Variants in RPTOR observed in about 807,000 individuals in gnomAD.
RPTOR encodes regulatory-associated protein of mTOR.
In RPTOR, 21 loss-of-function variants were observed where a neutral mutation model predicts 169.9. The observed-to-expected ratio is 0.12, with a 90% CI of 0.09 to 0.18. The LOEUF is 0.18. Ranked by LOEUF, RPTOR falls within the 10% of genes least tolerant of loss-of-function variation. The probability of loss-of-function intolerance (pLI) is 1.00; values close to 1 mark genes in which losing one functional copy is unlikely to be tolerated. For synonymous variants in RPTOR, 732 were observed against 753.2 expected (o/e 0.97, Z 0.46); for missense variants, 1,133 against 1,855.9 (o/e 0.61, Z 7.16).
At chr17:80,679,980 A>G (rs2065886451) in intron 3 of RPTOR, among the ~76,000 whole-genome samples, 1 of 152,100 alleles carries the variant, frequency 6.6e-6, no homozygotes, top group East Asian at 1.9e-4. Context: ...GACCTCCCCC[A>G]GAGTCCAGAG....
At chr17:80,642,730 A>G (rs1020271892) in intron 2 of RPTOR, among the ~76,000 whole-genome samples, 3 of 152,218 alleles carry the variant, frequency 2.0e-5, no homozygotes, top group African/African-American at 7.2e-5. Flanking sequence ...TTGGTGTAGT[A>G]TCAAACAAAA....
intron 5 of RPTOR, among the ~76,000 whole-genome samples, chr17:80,742,906 G>A (rs1266778743): frequency 6.6e-6 from 1 of 150,702 alleles, no homozygotes; most frequent in Non-Finnish European, 1.5e-5. Flanking sequence ...ATACACACAG[G>A]TACATGCTCA....
In RPTOR at chr17:80,878,158, G is replaced by A. The variant is rs892531728; in HGVS notation, c.1510-2257G>A. 6.6e-5 allele frequency among the ~76,000 whole-genome samples: 10 copies of A among 152,196 alleles called. No homozygotes were observed. Among genetic ancestry groups the A allele is most frequent in the Non-Finnish European group, 5.9e-5 (4 of 68,032 alleles). On this transcript the variant is annotated intron_variant, in intron 13 of 33. Transcript: ENST00000306801. The surrounding 1 kb of genome is among the most constrained non-coding windows in gnomAD (Gnocchi z 4.1). ...TCCTCTGGAAAGGAGCATGCTGGGA[G>A]CTGGCAGAACGCACGCCTCACTCTG...
intron 3 of RPTOR, among the ~76,000 whole-genome samples, chr17:80,678,421 A>G (rs1159205936): frequency 2.6e-5 from 4 of 152,204 alleles, no homozygotes; most frequent in African/African-American, 9.6e-5. Context: ...CCTGGGCAAC[A>G]TGGCAAAACC....
At chr17:80,822,370 C>T (rs2067389034) in intron 8 of RPTOR, 69 bp downstream of exon 8, 1 of 1,452,202 alleles carries the variant, frequency 6.9e-7, no homozygotes. Context: ...GACTCTCGGA[C>T]ATGAGAGGAG....
At chr17:80,926,784 C>T (rs1194243079) in intron 24 of RPTOR, among the ~76,000 whole-genome samples, 3 of 152,364 alleles carry the variant, frequency 2.0e-5, no homozygotes, top group Middle Eastern at 3.4e-3. Context: ...AGAGCCCGCT[C>T]CTAACTAGAG....
chr17:80,807,992 A>C (rs2067236481), intron 7 of RPTOR, among the ~76,000 whole-genome samples: 1 of 152,174 alleles, frequency 6.6e-6, no homozygotes, highest in Non-Finnish European at 1.5e-5. Context: ...TATAACGTGC[A>C]TCCTGCTAAA....
chr17:80,621,625 C>A (rs2065355385), intron 1 of RPTOR, among the ~76,000 whole-genome samples: 2 of 152,196 alleles, frequency 1.3e-5, no homozygotes, highest in African/African-American at 4.8e-5. Context: ...GGATTCCTCG[C>A]TGGGAGGGGA....
intron 3 of RPTOR, among the ~76,000 whole-genome samples, chr17:80,697,113 G>A (rs1380800297): frequency 6.6e-6 from 1 of 152,166 alleles, no homozygotes; most frequent in Non-Finnish European, 1.5e-5. Context: ...CAGTCAGAGA[G>A]TGAGCAAGGT....
chr17:80,752,706 TG>T (rs2066641984), intron 5 of RPTOR, among the ~76,000 whole-genome samples: 1 of 152,256 alleles, frequency 6.6e-6, no homozygotes. Flanking sequence ...GATCCTGTTT[TG>T]TTGAATGCTG....
intron 13 of RPTOR, among the ~76,000 whole-genome samples, chr17:80,871,565 C>T (rs988201071): frequency 2.0e-5 from 3 of 152,180 alleles, no homozygotes; most frequent in East Asian, 1.9e-4. Context: ...TGCTGCCGCC[C>T]CTTCCGGAAT....
At chr17:80,858,112 T>A in intron 13 of RPTOR, 1 of 581,190 alleles carries the variant, frequency 1.7e-6, no homozygotes, top group Non-Finnish European at 3.1e-6. Flanking sequence ...GTCCTGTCCC[T>A]GGCCTTCCCC....
intron 13 of RPTOR, among the ~76,000 whole-genome samples, chr17:80,877,100 A>G (rs11659058): frequency 7.0e-6 from 1 of 142,086 alleles, no homozygotes; most frequent in African/African-American, 2.7e-5. Flanking sequence ...CCACGCAGGG[A>G]GTGTGTGTTG....
At chr17:80,672,760 A>T (rs2065831434) in intron 3 of RPTOR, among the ~76,000 whole-genome samples, 1 of 151,878 alleles carries the variant, frequency 6.6e-6, no homozygotes, top group African/African-American at 2.4e-5. Context: ...ACTGCACTCC[A>T]GCCTGGGCGA....
chr17:80,634,648 GTA>G (rs1210412421), intron 2 of RPTOR, among the ~76,000 whole-genome samples: 12 of 116,688 alleles, frequency 1.0e-4, no homozygotes, highest in East Asian at 2.7e-4. Flanking sequence ...TGTGCATACT[GTA>G]TGTGCGTACT....
At position 80,889,213 on chromosome 17, in the gene RPTOR, G is replaced by T. The variant is rs183109696; in HGVS notation, c.1984-2507G>T. 1.9e-3 allele frequency among the ~76,000 whole-genome samples: 295 copies of T among 152,354 alleles called. 1 individual carries two copies. Among genetic ancestry groups the T allele is most frequent in the Non-Finnish European group, 2.6e-3 (177 of 68,032 alleles). On this transcript the variant is annotated intron_variant, in intron 17 of 33. Transcript: ENST00000306801. ...AAGAAGAGGACAGGGAATCCTGGGG[G>T]TTTGGGTCTGAGCAACAGAAGAGCA...
At chr17:80,592,974 C>T (rs1016226785) in intron 1 of RPTOR, among the ~76,000 whole-genome samples, 6 of 152,146 alleles carry the variant, frequency 3.9e-5, no homozygotes, top group Non-Finnish European at 5.9e-5. Flanking sequence ...CATAACTGGC[C>T]GCAAAAACAC....
chr17:80,655,243 A>C (rs1329146919), intron 3 of RPTOR, among the ~76,000 whole-genome samples: 2 of 151,798 alleles, frequency 1.3e-5, no homozygotes, highest in Admixed American at 6.6e-5. Context: ...ATGCCACCAC[A>C]CCTGGCTAAT....
In RPTOR at chr17:80,965,306, C is replaced by T. The variant is rs139835021; in HGVS notation, c.*976C>T. 3.4e-5 allele frequency: 8 copies of T among 233,354 alleles called. No individual in the cohort carries two copies. Among genetic ancestry groups the T allele is most frequent in the South Asian group, 1.8e-4 (1 of 5,528 alleles). 14.5% of individuals were successfully genotyped at this position (233,354 alleles called of 1,614,324 possible). A position where few individuals can be genotyped will look rare whatever the true frequency, so the allele number is the denominator to read the frequency against. On this transcript the variant is annotated 3_prime_UTR_variant, in exon 34 of 34. Transcript: ENST00000306801. ...GTGGTCTCCCTGCTCTGTCCCCACA[C>T]GTTCCTCACATACAGGCAAGAGGCA...
Sources: gnomAD v4.1 joint callset for allele counts (sites outside exome capture counted in the v4.1 genomes callset) on GRCh38, gnomAD v4.1.1 for gene constraint, Gnocchi (gnomAD v3.1) non-coding constraint, MANE v1.5 for transcripts, NCBI Gene and HGNC (gene_info 2026-07-23, HGNC 2026-07-21) for gene names.